The following CDH13 variants were observed in gnomAD, a reference collection of about 807,000 sequenced individuals.
CDH13 encodes the protein cadherin 13.
CDH13 carries 24 observed loss-of-function variants against 63.8 expected under a neutral mutation model. The observed-to-expected ratio is 0.38, with a 90% CI of 0.27 to 0.53. CDH13 has a LOEUF of 0.53. Ranked by LOEUF, CDH13 falls within the 20% of genes least tolerant of loss-of-function variation. CDH13 has a pLI of 0.85. For missense variants in CDH13, 1,049 were observed against 903.1 expected, an observed-to-expected ratio of 1.16 and a Z score of -2.07; for synonymous variants, 503 against 355.3, an observed-to-expected ratio of 1.42 and a Z score of -4.67.
Position 83,799,103 on chromosome 16 carries a change from G to A in CDH13, c.*4073G>A, listed in dbSNP as rs562782998. 1.3e-5 allele frequency: 2 copies of A among 151,954 alleles called. No homozygotes were observed. Among genetic ancestry groups the A allele is most frequent in the South Asian group, 4.2e-4 (2 of 4,794 alleles). The allele number at this position is 151,954 out of a possible 1,614,324, so 9.4% of individuals were successfully genotyped here. ...GAGGCGGGTGGATCACTTAAGGTCA[G>A]GAGTTCAAGACCAGCCTGGCCAGCA... On this transcript the variant is annotated 3_prime_UTR_variant, in exon 14 of 14. Transcript: ENST00000567109.
At chr16:83,323,648 C>T (rs1167014114) in intron 5 of CDH13, among the ~76,000 whole-genome samples, 1 of 152,132 alleles carries the variant, frequency 6.6e-6, no homozygotes, top group African/African-American at 2.4e-5. Flanking sequence ...TAAAGCAAAA[C>T]AAACAACAAA....
At chr16:83,491,328 G>A (rs1035232680) in intron 7 of CDH13, among the ~76,000 whole-genome samples, 32 of 152,270 alleles carry the variant, frequency 2.1e-4, no homozygotes, top group African/African-American at 7.0e-4. Context: ...TTCATTTGGG[G>A]CACTTTTTTA....
rs957800400 is a variant in CDH13, at chr16:83,001,975, A to C, written c.158-30035A>C. On this transcript the variant is annotated intron_variant, in intron 2 of 13. Coordinates refer to ENST00000567109, the MANE Select transcript of CDH13 (RefSeq NM_001257.5). ...AAAGGAGCTCACCTTAAAAGTTCCA[A>C]CCACATTCCAGGGACTGTTTGTATT... 2.0e-5 allele frequency among the ~76,000 whole-genome samples: 3 copies of C among 152,214 alleles called. No homozygotes were observed. The South Asian group carries it at 6.2e-4, about 32-fold the overall frequency.
At position 82,782,564 on chromosome 16, in the gene CDH13, A is replaced by AT. The variant is rs1555515552; in HGVS notation, c.46-75798_46-75797insT. 8.5e-3 allele frequency among the ~76,000 whole-genome samples: 1,290 copies of AT among 151,188 alleles called. 13 individuals are homozygous for AT. The highest frequency in any genetic ancestry group is 0.038 in the East Asian group (192 of 5,114). ...CAGACTCCATCTCAAAAAAAAAAAA[A>AT]AATAATAATAAACAAATGGATGCAT... On this transcript the variant is annotated intron_variant, in intron 1 of 13. Coordinates refer to ENST00000567109, the MANE Select transcript of CDH13 (RefSeq NM_001257.5).
chr16:83,764,415 C>T (rs927733670), intron 11 of CDH13, among the ~76,000 whole-genome samples: 12 of 152,210 alleles, frequency 7.9e-5, no homozygotes, highest in African/African-American at 2.2e-4. Flanking sequence ...TTAAACAGAA[C>T]ATTTTCATTC....
intron 2 of CDH13, among the ~76,000 whole-genome samples, chr16:82,989,368 C>T (rs1388107112): frequency 1.3e-5 from 2 of 152,120 alleles, no homozygotes; most frequent in African/African-American, 2.4e-5. Context: ...TCTTAGCTGA[C>T]TGTGGAGGTG....
intron 2 of CDH13, among the ~76,000 whole-genome samples, chr16:82,946,773 G>T (rs988825030): frequency 6.6e-6 from 1 of 151,826 alleles, no homozygotes; most frequent in Non-Finnish European, 1.5e-5. Flanking sequence ...AAATCTCAAG[G>T]CAACATATCT....
At chr16:83,764,537 C>A (rs1203299116) in intron 11 of CDH13, among the ~76,000 whole-genome samples, 1 of 152,144 alleles carries the variant, frequency 6.6e-6, no homozygotes, top group African/African-American at 2.4e-5. Context: ...CTGGAGTCCC[C>A]CTTCCCCAGC....
chr16:83,689,703 G>T (rs1283826741), intron 10 of CDH13, among the ~76,000 whole-genome samples: 1 of 152,128 alleles, frequency 6.6e-6, no homozygotes, highest in South Asian at 2.1e-4. Flanking sequence ...TAGAAGATCC[G>T]ACCTTATATG....
chr16:83,417,337 C>T (rs1025802221), intron 6 of CDH13, among the ~76,000 whole-genome samples: 1 of 152,202 alleles, frequency 6.6e-6, no homozygotes, highest in Non-Finnish European at 1.5e-5. Flanking sequence ...CCATTACAGC[C>T]CCTTTCTTTT....
chr16:83,451,953 T>G (rs1410670019), intron 6 of CDH13, among the ~76,000 whole-genome samples: 4 of 152,206 alleles, frequency 2.6e-5, no homozygotes, highest in Non-Finnish European at 5.9e-5. Context: ...AGCTCAGGGA[T>G]TTTGCTCTTC....
rs370120168 is a variant in CDH13 at position 83,335,323 on chromosome 16, C to T, written c.637-9539C>T. Among the ~76,000 whole-genome samples the T allele has an allele frequency of 1.1e-4, 16 of 152,180 alleles. No homozygotes were observed. The East Asian group carries it at 2.5e-3, about 24-fold the overall frequency. ...ACCCTTAACAATTACCGGCTCTTAACTTTTCTTTATCTGGGGGCAAATGCT... is the reference window on the plus strand; with the variant it reads ...ACCCTTAACAATTACCGGCTCTTAATTTTTCTTTATCTGGGGGCAAATGCT... On this transcript the variant is annotated intron_variant, in intron 5 of 13. Coordinates refer to ENST00000567109, the MANE Select transcript of CDH13 (RefSeq NM_001257.5).
At chr16:82,771,963 G>A (rs1335074565) in intron 1 of CDH13, among the ~76,000 whole-genome samples, 1 of 152,216 alleles carries the variant, frequency 6.6e-6, no homozygotes, top group Non-Finnish European at 1.5e-5. Context: ...GTTAAAGGCT[G>A]CTGGGATAGT....
chr16:83,530,041 C>G (rs1267438479), intron 7 of CDH13, among the ~76,000 whole-genome samples: 1 of 152,122 alleles, frequency 6.6e-6, no homozygotes, highest in Non-Finnish European at 1.5e-5. Flanking sequence ...AGACACTGAG[C>G]TGGACATGAA....
intron 1 of CDH13, chr16:82,823,824 A>G (rs1567571450): frequency 6.6e-6 from 1 of 152,204 alleles, no homozygotes; most frequent in Non-Finnish European, 1.5e-5. Flanking sequence ...TTAAAATGCT[A>G]GAGAATTGGA....
At chr16:83,410,342 A>G (rs1272881557) in intron 6 of CDH13, among the ~76,000 whole-genome samples, 2 of 152,154 alleles carry the variant, frequency 1.3e-5, no homozygotes, top group Non-Finnish European at 2.9e-5. Context: ...TTACTTTATA[A>G]CCTTTTTATC....
chr16:83,369,630 G>C (rs1490726818), intron 6 of CDH13, among the ~76,000 whole-genome samples: 2 of 151,986 alleles, frequency 1.3e-5, no homozygotes, highest in African/African-American at 4.8e-5. Flanking sequence ...TCACTGTGTT[G>C]CCGAGGTTGG....
chr16:83,289,459 T>A (rs1284021084), intron 5 of CDH13, among the ~76,000 whole-genome samples: 1 of 152,152 alleles, frequency 6.6e-6, no homozygotes, highest in Admixed American at 6.5e-5. Flanking sequence ...ATATTGATAT[T>A]TTTTCAGCAC....
intron 6 of CDH13, among the ~76,000 whole-genome samples, chr16:83,398,685 GT>G (rs2091923799): frequency 6.6e-6 from 1 of 152,218 alleles, no homozygotes; most frequent in Non-Finnish European, 1.5e-5. Context: ...CATGTTCACA[GT>G]TGATGCTAAA....
Sources: allele counts gnomAD v4.1 joint callset (sites outside exome capture counted in the v4.1 genomes callset), GRCh38; gene constraint gnomAD v4.1.1; transcripts MANE v1.5; gene names NCBI Gene and HGNC (gene_info 2026-07-23, HGNC 2026-07-21).